CDH2: variants seen among roughly 807,000 people sequenced by gnomAD.
CDH2 encodes the protein cadherin 2.
In CDH2, 17 loss-of-function variants were observed where a neutral mutation model predicts 92.0. The ratio of observed to expected loss-of-function variants is 0.18; its 90% CI spans 0.13 to 0.28. The LOEUF (loss-of-function observed/expected upper bound fraction) is 0.28, where lower values mean the gene tolerates loss of function less well. CDH2 is among the 10% of genes least tolerant of loss of function. The pLI, the probability that CDH2 is intolerant of heterozygous loss-of-function variation, is 1.00. For missense variants in CDH2, 862 were observed against 1,133.1 expected, an observed-to-expected ratio of 0.76 and a Z score of 3.44; for synonymous variants, 419 against 415.9, an observed-to-expected ratio of 1.01 and a Z score of -0.09.
intron 15 of CDH2, among the ~76,000 whole-genome samples, chr18:27,957,770 T>A (rs371371294): frequency 7.9e-5 from 12 of 152,192 alleles, no homozygotes; most frequent in African/African-American, 2.7e-4. Context: ...AGAATCTAGA[T>A]TTAAGACATA....
chr18:28,075,119 A>G (rs17535908), intron 2 of CDH2, among the ~76,000 whole-genome samples: 1,956 of 152,240 alleles, frequency 0.013, 52 homozygotes, highest in African/African-American at 0.045. Flanking sequence ...TATTCTAGTG[A>G]CTATACTGAG....
intron 14 of CDH2, among the ~76,000 whole-genome samples, chr18:27,977,559 T>C (rs879457033): frequency 1.3e-5 from 2 of 152,162 alleles, no homozygotes; most frequent in Admixed American, 1.3e-4. Flanking sequence ...ATGGATACTT[T>C]GTCTTGGCAG....
At chr18:27,965,951 G>C (rs911873738) in intron 14 of CDH2, among the ~76,000 whole-genome samples, 1 of 120,018 alleles carries the variant, frequency 8.3e-6, no homozygotes. Flanking sequence ...TCGCATCACT[G>C]TACTCCAGCC....
At chr18:28,144,138 CAT>C (rs1003154710) in intron 2 of CDH2, among the ~76,000 whole-genome samples, 41 of 151,154 alleles carry the variant, frequency 2.7e-4, no homozygotes, top group East Asian at 1.2e-3. Flanking sequence ...ACGTTCTGCA[CAT>C]GTGTCCCAGA....
intron 2 of CDH2, among the ~76,000 whole-genome samples, chr18:28,043,461 A>ATATATATATATATATATATATATAT (rs2013990816): frequency 1.4e-5 from 1 of 71,992 alleles, no homozygotes; most frequent in Non-Finnish European, 2.6e-5. Flanking sequence ...GATATAAATA[A>ATATATATATATATATATATATATAT]ATATATATAT....
At chr18:28,067,042 G>C (rs2144158571) in intron 2 of CDH2, among the ~76,000 whole-genome samples, 1 of 152,056 alleles carries the variant, frequency 6.6e-6, no homozygotes, top group African/African-American at 2.4e-5. Flanking sequence ...CTAACAAATA[G>C]ACTGCAGGGA....
chr18:28,118,007 G>A (rs1263084992), intron 2 of CDH2, among the ~76,000 whole-genome samples: 2 of 151,928 alleles, frequency 1.3e-5, no homozygotes, highest in Non-Finnish European at 2.9e-5. Context: ...AAAGCAAAGA[G>A]CAGTGATGTT....
At chr18:27,991,878 C>T (rs1021015246) in intron 9 of CDH2, among the ~76,000 whole-genome samples, 7 of 152,146 alleles carry the variant, frequency 4.6e-5, no homozygotes, top group African/African-American at 1.7e-4. Context: ...AAGTGGGAGG[C>T]AAAGAAGTAA....
chr18:27,950,563 A>G (rs1909393931), downstream of CDH2, among the ~76,000 whole-genome samples: 1 of 152,126 alleles, frequency 6.6e-6, no homozygotes, highest in Non-Finnish European at 1.5e-5. Flanking sequence ...TGCAGTTTCC[A>G]GGTTCAGTCC....
intron 2 of CDH2, among the ~76,000 whole-genome samples, chr18:28,142,186 T>C (rs759794264): frequency 9.9e-5 from 15 of 152,030 alleles, no homozygotes; most frequent in African/African-American, 1.7e-4. Context: ...TTTAAACCAT[T>C]TGGGTGTCTG....
intron 2 of CDH2, among the ~76,000 whole-genome samples, chr18:28,083,968 T>G (rs2144196109): frequency 6.6e-6 from 1 of 152,262 alleles, no homozygotes. Context: ...GGACAGCAAT[T>G]TTGCCGCATT....
At chr18:28,063,303 T>C (rs1303738510) in intron 2 of CDH2, among the ~76,000 whole-genome samples, 1 of 152,152 alleles carries the variant, frequency 6.6e-6, no homozygotes, top group Non-Finnish European at 1.5e-5. Context: ...CCAATTGGTG[T>C]TTAAAAACAA....
At chr18:28,126,868 C>CCAGA (rs1283754092) in intron 2 of CDH2, among the ~76,000 whole-genome samples, 1 of 152,106 alleles carries the variant, frequency 6.6e-6, no homozygotes, top group African/African-American at 2.4e-5. Flanking sequence ...GAGAAACAGA[C>CCAGA]CAGAACATGA....
chr18:28,115,028 A>C (rs2015473842), intron 2 of CDH2, among the ~76,000 whole-genome samples: 1 of 152,118 alleles, frequency 6.6e-6, no homozygotes. Flanking sequence ...GGGGTTCCTA[A>C]GTCATGTTCC....
chr18:27,965,172 T>G (rs1009177048), intron 14 of CDH2, among the ~76,000 whole-genome samples: 6 of 152,216 alleles, frequency 3.9e-5, no homozygotes, highest in African/African-American at 1.4e-4. Flanking sequence ...ATCAAAACCA[T>G]GAGTGTCTGA....
At position 27,985,650 on chromosome 18, in the gene CDH2, G is replaced by T; in HGVS notation, c.1853C>A (p.Pro618His). Residue 618 changes from proline (P) to histidine (H), a missense_variant, in exon 12 of 16, where the codon CCC becomes CAC. Physicochemically the swap from Pro to His is moderately conservative, Grantham distance 77. Transcript: ENST00000269141. ...QEAETCETPD[P>H]NSINITALDY... Reference sequence around the variant, plus strand: ...AAGTGCTGTAATATTAATTGAATTGGGGTCTGGAGTTTCGCAAGTCTCTGC... The same window carrying T: ...AAGTGCTGTAATATTAATTGAATTGTGGTCTGGAGTTTCGCAAGTCTCTGC... 6.2e-7 allele frequency: 1 copy of T among 1,613,750 alleles called. No individual in the cohort carries two copies. Among genetic ancestry groups the T allele is most frequent in the Non-Finnish European group, 8.5e-7 (1 of 1,179,684 alleles).
chr18:28,078,809 T>C (rs576572388), intron 2 of CDH2, among the ~76,000 whole-genome samples: 2 of 152,310 alleles, frequency 1.3e-5, no homozygotes, highest in South Asian at 4.1e-4. Flanking sequence ...CAGTCATTTA[T>C]GCAGACAAAG....
At chr18:28,127,337 G>C (rs1193518807) in intron 2 of CDH2, among the ~76,000 whole-genome samples, 1 of 152,140 alleles carries the variant, frequency 6.6e-6, no homozygotes, top group African/African-American at 2.4e-5. Flanking sequence ...ACTTCTGAGT[G>C]GCTTGGGAAT....
rs374846378 is a variant in CDH2, at chr18:27,952,896, GA to G, written c.2515-538del. 5.3e-5 allele frequency among the ~76,000 whole-genome samples: 8 copies of G among 152,134 alleles called. No homozygotes were observed. The East Asian group carries it at 1.4e-3, about 26-fold the overall frequency. On this transcript the variant is annotated intron_variant, in intron 15 of 15. Coordinates refer to ENST00000269141, the MANE Select transcript of CDH2 (RefSeq NM_001792.5). ...AAGCAAAAGCCATCAGGTTGTGGGG[GA>G]AAAAAATTCACATCAGCATTAAGAG...
Sources: gnomAD v4.1 joint callset for allele counts (sites outside exome capture counted in the v4.1 genomes callset) on GRCh38, gnomAD v4.1.1 for gene constraint, MANE v1.5 for transcripts, NCBI Gene and HGNC (gene_info 2026-07-23, HGNC 2026-07-21) for gene names.